The following XKR6 variants were observed in gnomAD, a reference collection of about 807,000 sequenced individuals.
The protein encoded by XKR6 is XK related 6, also known as XK-related protein 6.
XKR6 carries 22 observed loss-of-function variants against 56.7 expected under a neutral mutation model. That is an observed-to-expected ratio of 0.39 (90% confidence interval 0.28 to 0.55). The LOEUF (loss-of-function observed/expected upper bound fraction) is 0.55. XKR6 is among the 20% of genes least tolerant of loss of function. The probability of loss-of-function intolerance (pLI) is 0.66; values close to 1 mark genes in which losing one functional copy is unlikely to be tolerated. For synonymous variants in XKR6, 524 were observed against 387.8 expected, an observed-to-expected ratio of 1.35 and a Z score of -4.13; for missense variants, 852 against 889.0, an observed-to-expected ratio of 0.96 and a Z score of 0.53.
At chr8:11,046,388 G>A (rs1161384668) in intron 1 of XKR6, among the ~76,000 whole-genome samples, 1 of 151,636 alleles carries the variant, frequency 6.6e-6, no homozygotes, top group Non-Finnish European at 1.5e-5. Context: ...CAACAGAGTG[G>A]GACTCTGTCT....
intron 1 of XKR6, among the ~76,000 whole-genome samples, chr8:11,032,270 G>C (rs1799010648): frequency 6.6e-6 from 1 of 152,190 alleles, no homozygotes; most frequent in South Asian, 2.1e-4. Context: ...CAACATCTTG[G>C]TGGGTTTTTC....
chr8:11,039,520 A>G (rs1418491503), intron 1 of XKR6, among the ~76,000 whole-genome samples: 2 of 152,238 alleles, frequency 1.3e-5, no homozygotes, highest in African/African-American at 4.8e-5. Flanking sequence ...AGATGAGGAC[A>G]TTGGGCCTTG....
chr8:11,136,389 A>G lies in XKR6; in HGVS notation c.764+64187T>C, dbSNP rs370847910. Reference sequence around the variant, plus strand: ...TGTGGTGGCGGGTGCCCGCAATCCCAGCTACTCAGAAGGTTGAGGCAGGAG... The same window carrying G: ...TGTGGTGGCGGGTGCCCGCAATCCCGGCTACTCAGAAGGTTGAGGCAGGAG... On this transcript the variant is annotated intron_variant, in intron 1 of 2. Coordinates refer to ENST00000416569, the MANE Select transcript of XKR6 (RefSeq NM_173683.4). 2.0e-5 allele frequency among the ~76,000 whole-genome samples: 3 copies of G among 152,196 alleles called. 1 individual carries two copies.
intron 1 of XKR6, among the ~76,000 whole-genome samples, chr8:11,007,505 C>T (rs1249434325): frequency 6.6e-6 from 1 of 152,170 alleles, no homozygotes; most frequent in Non-Finnish European, 1.5e-5. Flanking sequence ...CGAAGAAACA[C>T]AGCCAGTAAT....
At chr8:11,123,450 G>C (rs1799575277) in intron 1 of XKR6, 1 of 162,350 alleles carries the variant, frequency 6.2e-6, no homozygotes, top group Non-Finnish European at 1.4e-5. Flanking sequence ...TATTGGACAG[G>C]CAACTAAAGT....
At chr8:11,117,276 C>A (rs1053300656) in intron 1 of XKR6, among the ~76,000 whole-genome samples, 2 of 152,202 alleles carry the variant, frequency 1.3e-5, no homozygotes, top group African/African-American at 4.8e-5. Flanking sequence ...GCTCCCAGAA[C>A]CTGACAGATT....
At chr8:10,983,220 A>C (rs1336764156) in intron 1 of XKR6, among the ~76,000 whole-genome samples, 1 of 152,168 alleles carries the variant, frequency 6.6e-6, no homozygotes, top group Non-Finnish European at 1.5e-5. Flanking sequence ...TAAATGTAGA[A>C]GTGATAAATT....
At position 11,201,422 on chromosome 8, in the gene XKR6, GA is replaced by G. The variant is rs1804239608; in HGVS notation, c.-84del. ...AGAAGGCAGGGAACGGGGAGGGGGG[GA>G]AACGAATGGAGAGGAAGGGGGGCGG... is the stretch of plus-strand genomic sequence containing the variant. On this transcript the variant is annotated 5_prime_UTR_variant, in exon 1 of 3. Transcript: ENST00000416569. 1 of 261,850 alleles carries G rather than the reference GA, an allele frequency of 3.8e-6. No homozygotes were observed. Among genetic ancestry groups the G allele is most frequent in the South Asian group, 3.1e-5 (1 of 32,068 alleles). The allele number at this position is 261,850 out of a possible 1,614,324, so 16.2% of individuals were successfully genotyped here.
chr8:11,144,908 G>A (rs1466968526), intron 1 of XKR6, among the ~76,000 whole-genome samples: 2 of 150,124 alleles, frequency 1.3e-5, no homozygotes, highest in South Asian at 4.3e-4. Flanking sequence ...AGAAGGGGAA[G>A]GGGAAGGGAA....
chr8:10,946,966 G>A (rs913847414), intron 1 of XKR6, among the ~76,000 whole-genome samples: 14 of 152,292 alleles, frequency 9.2e-5, no homozygotes, highest in Admixed American at 5.2e-4. Flanking sequence ...CCAGGTTTGC[G>A]TGGGGACAGA....
At chr8:10,949,513 T>C (rs559521945) in intron 1 of XKR6, among the ~76,000 whole-genome samples, 23 of 152,330 alleles carry the variant, frequency 1.5e-4, no homozygotes, top group African/African-American at 4.8e-4. Flanking sequence ...GGCACACCTG[T>C]TCCTAGAACA....
intron 2 of XKR6, among the ~76,000 whole-genome samples, chr8:10,914,189 G>A (rs1274762806): frequency 6.6e-6 from 1 of 151,986 alleles, no homozygotes; most frequent in Non-Finnish European, 1.5e-5. Context: ...GCCCACTGCC[G>A]TAATCACTGT....
intron 1 of XKR6, among the ~76,000 whole-genome samples, chr8:11,143,391 A>C (rs1166919922): frequency 6.6e-6 from 1 of 152,224 alleles, no homozygotes. Flanking sequence ...ATTGTGCTGA[A>C]GGGATTAAAT....
chr8:11,071,226 C>G (rs756742442), intron 1 of XKR6, among the ~76,000 whole-genome samples: 3 of 152,088 alleles, frequency 2.0e-5, no homozygotes, highest in African/African-American at 7.2e-5. Context: ...CATTTAGGGC[C>G]CTGGAGGTAC....
intron 2 of XKR6, among the ~76,000 whole-genome samples, chr8:10,905,318 G>A (rs1445211014): frequency 6.6e-6 from 1 of 152,144 alleles, no homozygotes; most frequent in Non-Finnish European, 1.5e-5. Flanking sequence ...TTCTCCTCCT[G>A]GCTCTGTGTG....
chr8:11,096,148 G>A (rs1303635661), intron 1 of XKR6, among the ~76,000 whole-genome samples: 1 of 152,180 alleles, frequency 6.6e-6, no homozygotes, highest in Admixed American at 6.5e-5. Flanking sequence ...TTTTGAATTG[G>A]TGATTCCACT....
intron 1 of XKR6, among the ~76,000 whole-genome samples, chr8:10,982,386 C>A (rs2129137723): frequency 6.6e-6 from 1 of 152,284 alleles, no homozygotes; most frequent in East Asian, 1.9e-4. Context: ...TCAAAAATGA[C>A]AGGCACATCA....
intron 1 of XKR6, among the ~76,000 whole-genome samples, chr8:10,950,583 G>C (rs1008705832): frequency 2.6e-5 from 4 of 152,226 alleles, no homozygotes; most frequent in African/African-American, 7.2e-5. Flanking sequence ...AATGAAGAAA[G>C]GGATGTGTCC....
chr8:10,923,295 C>T (rs902137728), intron 2 of XKR6, among the ~76,000 whole-genome samples: 1 of 152,194 alleles, frequency 6.6e-6, no homozygotes, highest in Non-Finnish European at 1.5e-5. Flanking sequence ...GATGGACCAG[C>T]AGGACTGCAG....
Sources: allele counts gnomAD v4.1 joint callset (sites outside exome capture counted in the v4.1 genomes callset), GRCh38; gene constraint gnomAD v4.1.1; transcripts MANE v1.5; gene names NCBI Gene and HGNC (gene_info 2026-07-23, HGNC 2026-07-21).